The following ERP44 variants were observed in gnomAD, a reference collection of about 807,000 sequenced individuals.
ERP44 encodes the protein endoplasmic reticulum resident protein 44.
In ERP44, 25 loss-of-function variants were observed where a neutral mutation model predicts 53.4. That is an observed-to-expected ratio of 0.47 (90% confidence interval 0.34 to 0.65). The LOEUF (loss-of-function observed/expected upper bound fraction) is 0.65. Ranked by LOEUF, ERP44 falls within the 30% of genes least tolerant of loss-of-function variation. The pLI, the probability that ERP44 is intolerant of heterozygous loss-of-function variation, is 0.01. For missense variants in ERP44, 338 were observed against 493.2 expected (o/e 0.69, Z 2.98); for synonymous variants, 145 against 161.2 (o/e 0.90, Z 0.76).
chr9:99,998,919 C>A (rs929373693), intron 10 of ERP44: 45 of 1,596,422 alleles, frequency 2.8e-5, no homozygotes, highest in Middle Eastern at 1.8e-4. Flanking sequence ...AGGGTTGGCA[C>A]TGGTCTTCTC....
chr9:100,056,501 T>C (rs144581182), intron 3 of ERP44, among the ~76,000 whole-genome samples: 146 of 152,292 alleles, frequency 9.6e-4, no homozygotes, highest in African/African-American at 3.4e-3. Flanking sequence ...AACAATGTAG[T>C]AGAGAGTCAC....
chr9:100,052,384 A>G, intron 4 of ERP44, 33 bp downstream of exon 4: 1 of 1,137,034 alleles, frequency 8.8e-7, no homozygotes, highest in Non-Finnish European at 1.3e-6. Context: ...GGGATGGGAC[A>G]GTCTCTTCTA....
chr9:100,065,792 T>TA (rs1186598027), intron 1 of ERP44, among the ~76,000 whole-genome samples: 1 of 152,192 alleles, frequency 6.6e-6, no homozygotes, highest in Non-Finnish European at 1.5e-5. Flanking sequence ...TAGAGGCTAA[T>TA]AAAACATCAG....
intron 10 of ERP44, among the ~76,000 whole-genome samples, chr9:100,001,747 G>A (rs921351575): frequency 9.2e-5 from 14 of 152,088 alleles, no homozygotes; most frequent in African/African-American, 3.4e-4. Context: ...GTTTATAGTT[G>A]GGTATTGGCT....
In ERP44 at chr9:99,979,597, C is replaced by G. The variant is rs1436356620; in HGVS notation, c.*3015G>C. 9.7e-6 allele frequency: 2 copies of G among 205,790 alleles called. No individual in the cohort carries two copies. Among genetic ancestry groups the G allele is most frequent in the African/African-American group, 2.3e-5 (1 of 43,680 alleles). The allele number at this position is 205,790 out of a possible 1,614,324, so 12.7% of individuals were successfully genotyped here. ...AGAATGTCATCTAAAAGTTTCCATC[C>G]TTTTATGGTCCCCCTCACAATTTGA... On this transcript the variant is annotated 3_prime_UTR_variant, in exon 12 of 12. Transcript: ENST00000262455.
chr9:100,020,751 A>ACT lies in ERP44; in HGVS notation c.472-21_472-20insAG. 7.8e-7 allele frequency: 1 copy of ACT among 1,281,756 alleles called. No homozygotes were observed. The highest frequency in any genetic ancestry group is 1.1e-6 in the Non-Finnish European group (1 of 881,836). The allele number at this position is 1,281,756 out of a possible 1,614,324, so 79.4% of individuals were successfully genotyped here. A position where few individuals can be genotyped will look rare whatever the true frequency, so the allele number is the denominator to read the frequency against. The stretch of plus-strand genomic sequence containing the variant: ...GCTGCGCTGTAAAATAAAGTATGCA[A>ACT]TTATTTTGCAAACATACATAGTTTT... On this transcript the variant is annotated intron_variant, in intron 5 of 11. Transcript: ENST00000262455.
intron 4 of ERP44, among the ~76,000 whole-genome samples, chr9:100,042,213 C>A (rs1825912313): frequency 1.3e-5 from 2 of 152,086 alleles, no homozygotes; most frequent in African/African-American, 2.4e-5. Flanking sequence ...ACTCTATACT[C>A]AAAAATGTAA....
chr9:100,053,985 T>C (rs1826063827), intron 3 of ERP44, among the ~76,000 whole-genome samples: 1 of 152,232 alleles, frequency 6.6e-6, no homozygotes, highest in African/African-American at 2.4e-5. Context: ...GCAAACATTA[T>C]ACTTCCTCCC....
chr9:100,060,834 TA>T (rs1410805996), intron 1 of ERP44, among the ~76,000 whole-genome samples: 1 of 152,252 alleles, frequency 6.6e-6, no homozygotes, highest in African/African-American at 2.4e-5. Flanking sequence ...TTACTTATTT[TA>T]AAAAGTAAAA....
chr9:100,071,094 T>TG (rs1491103731), intron 1 of ERP44, among the ~76,000 whole-genome samples: 1 of 22,836 alleles, frequency 4.4e-5, no homozygotes, highest in African/African-American at 6.0e-4. Flanking sequence ...TTATATAAGG[T>TG]TTTTTTTTTT....
At chr9:100,096,301 G>A (rs1826627838) in intron 1 of ERP44, among the ~76,000 whole-genome samples, 1 of 151,834 alleles carries the variant, frequency 6.6e-6, no homozygotes, top group African/African-American at 2.4e-5. Flanking sequence ...GGAAAACCCT[G>A]AATAAACCCA....
intron 8 of ERP44, 115 bp from the exon 9 acceptor site, chr9:100,007,804 C>T (rs557367661): frequency 1.2e-5 from 8 of 677,212 alleles, no homozygotes; most frequent in Admixed American, 5.2e-5. Flanking sequence ...TGCAATATCC[C>T]GGGGGAAAAA....
chr9:100,067,399 G>T (rs1403164505), intron 1 of ERP44, among the ~76,000 whole-genome samples: 1 of 152,220 alleles, frequency 6.6e-6, no homozygotes, highest in East Asian at 1.9e-4. Flanking sequence ...CGCTGTGTTG[G>T]CCGGGCTGGT....
intron 4 of ERP44, among the ~76,000 whole-genome samples, chr9:100,029,312 T>C (rs1291967773): frequency 2.0e-5 from 3 of 152,146 alleles, no homozygotes; most frequent in Admixed American, 2.0e-4. Flanking sequence ...ATCCAGAATA[T>C]ACAAGCAACA....
At position 100,069,095 on chromosome 9, in the gene ERP44, T is replaced by A. The variant is rs1298628851; in HGVS notation, c.58-8923A>T. On this transcript the variant is annotated intron_variant, in intron 1 of 11. Coordinates refer to ENST00000262455, the MANE Select transcript of ERP44 (RefSeq NM_015051.3). Reference sequence around the variant, plus strand: ...GTTAAACAGATGCTTGAAGGCAGCATGCTCCTTAAGAGTCATCACCACTCC... The same window carrying A: ...GTTAAACAGATGCTTGAAGGCAGCAAGCTCCTTAAGAGTCATCACCACTCC... 7.2e-5 allele frequency among the ~76,000 whole-genome samples: 11 copies of A among 152,082 alleles called. No individual in the cohort carries two copies. The South Asian group carries it at 2.3e-3, about 32-fold the overall frequency.
chr9:100,068,880 C>G (rs1358258527), intron 1 of ERP44, among the ~76,000 whole-genome samples: 1 of 152,232 alleles, frequency 6.6e-6, no homozygotes, highest in Non-Finnish European at 1.5e-5. Context: ...ATTGAGAAAA[C>G]GGATGGTTGC....
intron 7 of ERP44, 50 bp downstream of exon 7, chr9:100,018,206 A>G (rs1322102980): frequency 9.4e-6 from 10 of 1,068,086 alleles, no homozygotes; most frequent in Non-Finnish European, 1.3e-5. Flanking sequence ...CATCTTACGC[A>G]TGTATTTAAA....
chr9:99,992,145 G>A (rs945903069), intron 10 of ERP44, among the ~76,000 whole-genome samples: 1 of 152,056 alleles, frequency 6.6e-6, no homozygotes, highest in Non-Finnish European at 1.5e-5. Flanking sequence ...GAAAAAGAGA[G>A]AATCCTCCCT....
intron 8 of ERP44, among the ~76,000 whole-genome samples, chr9:100,015,697 A>G (rs1444308414): frequency 6.6e-6 from 1 of 152,138 alleles, no homozygotes; most frequent in Non-Finnish European, 1.5e-5. Context: ...GCAGTCCCCC[A>G]CCTTTTTGGC....
Sources: gnomAD v4.1 joint callset for allele counts (sites outside exome capture counted in the v4.1 genomes callset) on GRCh38, gnomAD v4.1.1 for gene constraint, MANE v1.5 for transcripts, NCBI Gene and HGNC (gene_info 2026-07-23, HGNC 2026-07-21) for gene names.